Variants in TGFBRAP1 observed in about 807,000 individuals in gnomAD.
TGFBRAP1 encodes the protein transforming growth factor-beta receptor-associated protein 1.
TGFBRAP1 carries 20 observed loss-of-function variants against 83.2 expected under a neutral mutation model. That is an observed-to-expected ratio of 0.24 (90% CI 0.17 to 0.35). The LOEUF (loss-of-function observed/expected upper bound fraction) is 0.35. TGFBRAP1 is among the 10% of genes least tolerant of loss of function. The pLI is 1.00. For missense variants in TGFBRAP1, 950 were observed against 1,099.4 expected (o/e 0.86, Z 1.92); for synonymous variants, 415 against 459.8 (o/e 0.90, Z 1.25).
chr2:105,326,741 T>C (rs1214909697), intron 1 of TGFBRAP1, among the ~76,000 whole-genome samples: 1 of 152,064 alleles, frequency 6.6e-6, no homozygotes, highest in Non-Finnish European at 1.5e-5. Flanking sequence ...AAAAAATTAT[T>C]GAGTACCTAC....
intron 10 of TGFBRAP1, among the ~76,000 whole-genome samples, chr2:105,271,537 C>T (rs1214512282): frequency 1.3e-5 from 2 of 152,138 alleles, no homozygotes; most frequent in Non-Finnish European, 2.9e-5. Flanking sequence ...AATACCAACC[C>T]ACACCTGTGT....
chr2:105,316,034 A>G (rs1678843189), intron 1 of TGFBRAP1, among the ~76,000 whole-genome samples: 2 of 152,232 alleles, frequency 1.3e-5, no homozygotes, highest in African/African-American at 2.4e-5. Flanking sequence ...ACTACTGACA[A>G]AGGCAACAAA....
chr2:105,277,332 T>A (rs1290766885), intron 7 of TGFBRAP1, among the ~76,000 whole-genome samples: 1 of 152,052 alleles, frequency 6.6e-6, no homozygotes, highest in Non-Finnish European at 1.5e-5. Context: ...TGATATATTA[T>A]GACTTGGAAC....
chr2:105,297,857 G>A (rs1678136675), intron 3 of TGFBRAP1, among the ~76,000 whole-genome samples: 1 of 152,204 alleles, frequency 6.6e-6, no homozygotes, highest in South Asian at 2.1e-4. Flanking sequence ...GTTAACAAGC[G>A]TTGAATCTAG....
At chr2:105,324,216 CA>C (rs1679155782) in intron 1 of TGFBRAP1, 1 of 152,176 alleles carries the variant, frequency 6.6e-6, no homozygotes, top group African/African-American at 2.4e-5. Context: ...TACAGCCATA[CA>C]AGACGTTAAC....
intron 1 of TGFBRAP1, among the ~76,000 whole-genome samples, chr2:105,318,458 A>T (rs771053500): frequency 2.0e-5 from 3 of 152,198 alleles, no homozygotes; most frequent in African/African-American, 7.2e-5. Context: ...AATATTAATT[A>T]AAAATATACA....
At position 105,269,007 on chromosome 2, in the gene TGFBRAP1, T is replaced by C. The variant is rs188806973; in HGVS notation, c.2406+265A>G. Among the ~76,000 whole-genome samples, 69 of 152,358 alleles carry C rather than the reference T, an allele frequency of 4.5e-4. No homozygotes were observed. The East Asian group carries it at 0.013, about 28-fold the overall frequency. On this transcript the variant is annotated intron_variant, in intron 11 of 11. Coordinates refer to ENST00000393359, the MANE Select transcript of TGFBRAP1 (RefSeq NM_004257.6). This position sits in a 1 kb window ranked among gnomAD's most constrained non-coding sequence, Gnocchi z 4.1. ...CATGCTGGGTAAGCGCCTGATATTC[T>C]GATGCTGCTCTCCTCCCTACAGACT...
chr2:105,326,932 A>T (rs575388234), intron 1 of TGFBRAP1, among the ~76,000 whole-genome samples: 145 of 152,314 alleles, frequency 9.5e-4, no homozygotes, highest in Non-Finnish European at 1.7e-3. Flanking sequence ...TTGGGGTAGC[A>T]CCAAATTAAG....
rs200573901 is a variant in TGFBRAP1 at position 105,267,072 on chromosome 2, T to C, written c.*311A>G. On this transcript the variant is annotated 3_prime_UTR_variant, in exon 12 of 12. Coordinates refer to ENST00000393359, the MANE Select transcript of TGFBRAP1 (RefSeq NM_004257.6). ...TCTGGACTGCATGAGGAAGACTCCC[T>C]TTTTTTTTTTTTCAAAGTAGACCTC... 48 of 160,622 alleles carry C rather than the reference T, an allele frequency of 3.0e-4. No individual in the cohort carries two copies. In the East Asian group the frequency reaches 5.8e-3, roughly 19 times the overall value. 9.9% of individuals were successfully genotyped at this position (160,622 alleles called of 1,614,324 possible).
At chr2:105,277,531 C>T (rs1486827259) in intron 7 of TGFBRAP1, 83 bp downstream of exon 7, 2 of 1,135,756 alleles carry the variant, frequency 1.8e-6, no homozygotes, top group African/African-American at 2.2e-5. Context: ...TCTCTATCAA[C>T]TTGTGAATTT....
At chr2:105,290,615 C>CTGTGTGTGTGTG (rs201513561) in intron 4 of TGFBRAP1, among the ~76,000 whole-genome samples, 71 of 103,864 alleles carry the variant, frequency 6.8e-4, no homozygotes, top group Admixed American at 1.8e-3. Flanking sequence ...AACAGAGAGA[C>CTGTGTGTGTGTG]AGTGTGTGTG....
chr2:105,250,844 C>T, the TGFBRAP1 span, among the ~76,000 whole-genome samples: 4 of 152,350 alleles, frequency 2.6e-5, no homozygotes, highest in Admixed American at 6.5e-5. Flanking sequence ...TTGATGGAGA[C>T]GGGGTTTCGC....
chr2:105,306,307 C>G (rs1172017325), intron 2 of TGFBRAP1, among the ~76,000 whole-genome samples: 1 of 152,058 alleles, frequency 6.6e-6, no homozygotes, highest in African/African-American at 2.4e-5. Context: ...GGTGATCCAC[C>G]TGCTTTGGCC....
At chr2:105,282,294 T>C (rs1677565825) in intron 5 of TGFBRAP1, among the ~76,000 whole-genome samples, 1 of 152,122 alleles carries the variant, frequency 6.6e-6, no homozygotes, top group African/African-American at 2.4e-5. Context: ...AACGACAGGG[T>C]GCAGGTGGTC....
intron 4 of TGFBRAP1, among the ~76,000 whole-genome samples, chr2:105,285,916 G>A (rs1482633806): frequency 6.6e-6 from 1 of 152,142 alleles, no homozygotes; most frequent in East Asian, 1.9e-4. Context: ...AGGGAGCAAG[G>A]CAACGTTCTG....
chr2:105,314,376 G>A (rs1173357373), intron 1 of TGFBRAP1, among the ~76,000 whole-genome samples: 2 of 148,046 alleles, frequency 1.4e-5, no homozygotes, highest in South Asian at 2.2e-4. Flanking sequence ...TCAGCCTCCC[G>A]AGTAGCTGGG....
chr2:105,252,021 T>C, the TGFBRAP1 span, among the ~76,000 whole-genome samples: 1 of 149,690 alleles, frequency 6.7e-6, no homozygotes, highest in African/African-American at 2.5e-5. Context: ...GGCCGCAGGG[T>C]CCTCTGCCTA....
chr2:105,251,581 C>T, the TGFBRAP1 span, among the ~76,000 whole-genome samples: 1 of 151,156 alleles, frequency 6.6e-6, no homozygotes, highest in Non-Finnish European at 1.5e-5. Context: ...CGCCTCTGCC[C>T]GGCCGCCCCT....
intron 1 of TGFBRAP1, among the ~76,000 whole-genome samples, chr2:105,311,903 C>A (rs1678707045): frequency 6.7e-6 from 1 of 149,840 alleles, no homozygotes; most frequent in African/African-American, 2.5e-5. Flanking sequence ...AGCAAAACTC[C>A]ATCTCAAAAA....
Sources: allele counts gnomAD v4.1 joint callset (sites outside exome capture counted in the v4.1 genomes callset), GRCh38; gene constraint gnomAD v4.1.1; non-coding constraint Gnocchi (gnomAD v3.1); transcripts MANE v1.5; gene names NCBI Gene and HGNC (gene_info 2026-07-23, HGNC 2026-07-21).